The following SLC25A30 variants were observed in gnomAD, a reference collection of about 807,000 sequenced individuals.
SLC25A30 encodes the protein solute carrier family 25 member 30, also known as kidney mitochondrial carrier protein 1.
A neutral mutation model predicts 42.7 loss-of-function variants in SLC25A30; 29 were observed. The ratio of observed to expected loss-of-function variants is 0.68; its 90% CI spans 0.51 to 0.93. The LOEUF is 0.93. SLC25A30 is among the 40% of genes least tolerant of loss of function. The probability of loss-of-function intolerance (pLI) is 0.00; values close to 1 mark genes in which losing one functional copy is unlikely to be tolerated. For synonymous variants in SLC25A30, 124 were observed against 131.0 expected (o/e 0.95, Z 0.37); for missense variants, 300 against 359.7 (o/e 0.83, Z 1.34).
chr13:45,410,474 T>C (rs1486044162), intron 2 of SLC25A30, among the ~76,000 whole-genome samples: 1 of 152,166 alleles, frequency 6.6e-6, no homozygotes, highest in African/African-American at 2.4e-5. Flanking sequence ...GAGACCAGCC[T>C]GGGCAACATG....
At chr13:45,427,402 A>G in the SLC25A30 span, among the ~76,000 whole-genome samples, 2 of 146,378 alleles carry the variant, frequency 1.4e-5, no homozygotes, top group South Asian at 4.2e-4. Context: ...AACTTGGTCC[A>G]TACACCTGGA....
intron 2 of SLC25A30, among the ~76,000 whole-genome samples, chr13:45,409,343 G>A (rs1465000771): frequency 6.6e-6 from 1 of 152,106 alleles, no homozygotes; most frequent in Non-Finnish European, 1.5e-5. Context: ...AGGCTGCATT[G>A]TTGTAGAAAG....
the SLC25A30 span, among the ~76,000 whole-genome samples, chr13:45,433,699 A>G: frequency 6.6e-6 from 1 of 152,328 alleles, no homozygotes; most frequent in South Asian, 2.1e-4. Flanking sequence ...GGCTGGTGAA[A>G]AAAGTCTGAG....
chr13:45,425,603 TATATAC>T, the SLC25A30 span, among the ~76,000 whole-genome samples: 1 of 67,974 alleles, frequency 1.5e-5, no homozygotes, highest in African/African-American at 7.7e-5. Context: ...TATACATATA[TATATAC>T]ATATATAAAT....
rs1245146620 is a variant in SLC25A30, at chr13:45,408,908, T to G, written c.212+19A>C. Reference sequence around the variant, plus strand: ...GAAACAGTGAACAGTGACACAGAAATGCATGAAGGCCTACTCACCCCGAGT... The same window carrying G: ...GAAACAGTGAACAGTGACACAGAAAGGCATGAAGGCCTACTCACCCCGAGT... On this transcript the variant is annotated intron_variant, in intron 3 of 9. Transcript: ENST00000519676. 2 of 1,587,914 alleles carry G rather than the reference T, an allele frequency of 1.3e-6. No homozygotes were observed. Among genetic ancestry groups the G allele is most frequent in the Admixed American group, 3.6e-5 (2 of 55,824 alleles).
chr13:45,422,819 A>G (rs114583044), upstream of SLC25A30, among the ~76,000 whole-genome samples: 68 of 152,220 alleles, frequency 4.5e-4, no homozygotes, highest in Middle Eastern at 3.4e-3. Flanking sequence ...ACTCCCTTTT[A>G]CCTCTGCAAC....
At chr13:45,397,991 T>C (rs1881536625) in intron 8 of SLC25A30, 1 of 985,320 alleles carries the variant, frequency 1.0e-6, no homozygotes, top group Non-Finnish European at 1.2e-6. Context: ...AGAGATATCA[T>C]TCAGAGTACC....
intron 3 of SLC25A30, among the ~76,000 whole-genome samples, chr13:45,407,804 C>T (rs1485845398): frequency 6.6e-6 from 1 of 152,174 alleles, no homozygotes; most frequent in Non-Finnish European, 1.5e-5. Context: ...CCAATTGAGA[C>T]ATTAGTCTTG....
At chr13:45,423,787 T>TCTATAAAA in the SLC25A30 span, among the ~76,000 whole-genome samples, 2 of 54,274 alleles carry the variant, frequency 3.7e-5, no homozygotes, top group African/African-American at 1.4e-4. Context: ...AATATATAAA[T>TCTATAAAA]ATATAAATAT....
At chr13:45,423,802 TTA>T in the SLC25A30 span, among the ~76,000 whole-genome samples, 26 of 48,402 alleles carry the variant, frequency 5.4e-4, 1 homozygote, top group East Asian at 2.1e-3. Context: ...AAATATATAT[TTA>T]TATATATAAA....
At chr13:45,425,457 T>C in the SLC25A30 span, among the ~76,000 whole-genome samples, 1 of 100,754 alleles carries the variant, frequency 9.9e-6, no homozygotes, top group Non-Finnish European at 1.9e-5. Context: ...TATATAAGTG[T>C]ATATATAAAT....
At chr13:45,398,305 A>G (rs906684688) in intron 8 of SLC25A30, 1 of 152,382 alleles carries the variant, frequency 6.6e-6, no homozygotes, top group East Asian at 1.9e-4. Flanking sequence ...GGGGACTCCT[A>G]AAGGGGAGAG....
At chr13:45,401,997 T>C (rs1002840662) in intron 6 of SLC25A30, among the ~76,000 whole-genome samples, 3 of 146,256 alleles carry the variant, frequency 2.1e-5, no homozygotes, top group Admixed American at 6.9e-5. Context: ...GAGGTGGAGG[T>C]TGCAGTGAGC....
upstream of SLC25A30, among the ~76,000 whole-genome samples, chr13:45,420,945 A>G (rs937040599): frequency 1.3e-5 from 2 of 152,142 alleles, no homozygotes; most frequent in African/African-American, 4.8e-5. Flanking sequence ...TTCAGTGTCC[A>G]TTATGAAAAT....
At chr13:45,422,637 AC>A (rs899016978), upstream of SLC25A30, among the ~76,000 whole-genome samples, 37 of 152,236 alleles carry the variant, frequency 2.4e-4, no homozygotes, top group African/African-American at 8.9e-4. Context: ...TAAACGTTCA[AC>A]AATGCCCAGG....
the SLC25A30 span, among the ~76,000 whole-genome samples, chr13:45,431,811 C>T: frequency 2.0e-5 from 3 of 152,156 alleles, no homozygotes; most frequent in Non-Finnish European, 4.4e-5. Context: ...CTAATAGAGC[C>T]TCCTACTTTT....
rs551192635 is a variant in SLC25A30 at position 45,404,240 on chromosome 13, G to A, written c.393+87C>T. 301 of 918,564 alleles carry A rather than the reference G, an allele frequency of 3.3e-4. 4 individuals carry two copies. In the South Asian group the frequency reaches 3.8e-3, roughly 12 times the overall value. 56.9% of individuals were successfully genotyped at this position (918,564 alleles called of 1,614,324 possible). ...TAAACAGATTCACATATACACAGAT[G>A]TTACATTCACAGATTCCATTACCCG... is the stretch of plus-strand genomic sequence containing the variant. On this transcript the variant is annotated intron_variant, in intron 5 of 9. Coordinates refer to ENST00000519676, the MANE Select transcript of SLC25A30 (RefSeq NM_001010875.4).
At chr13:45,424,425 G>GTATATA in the SLC25A30 span, among the ~76,000 whole-genome samples, 8 of 50,798 alleles carry the variant, frequency 1.6e-4, no homozygotes, top group African/African-American at 6.1e-4. Context: ...ATAAATATAT[G>GTATATA]AATATATATA....
chr13:45,411,722 T>C, intron 1 of SLC25A30: 1 of 408,930 alleles, frequency 2.4e-6, no homozygotes, highest in Non-Finnish European at 4.6e-6. Context: ...AGTAATCAGC[T>C]ACTTTGATAC....
Sources: gnomAD v4.1 joint callset for allele counts (sites outside exome capture counted in the v4.1 genomes callset) on GRCh38, gnomAD v4.1.1 for gene constraint, MANE v1.5 for transcripts, NCBI Gene and HGNC (gene_info 2026-07-23, HGNC 2026-07-21) for gene names.